The following DYM variants were observed in gnomAD, a reference collection of about 807,000 sequenced individuals.
DYM encodes the protein dymeclin.
Under a neutral mutation model 93.1 loss-of-function variants are expected in DYM, and 78 were observed. The ratio of observed to expected loss-of-function variants is 0.84; its 90% CI spans 0.70 to 1.01. The LOEUF (loss-of-function observed/expected upper bound fraction) is 1.01. Among genes scored for constraint, DYM ranks in the 50% least tolerant of loss-of-function variants. The pLI is 0.00. For synonymous variants in DYM, 321 were observed against 319.7 expected (o/e 1.00, Z -0.04); for missense variants, 789 against 845.0 (o/e 0.93, Z 0.82).
intron 14 of DYM, among the ~76,000 whole-genome samples, chr18:49,197,305 CA>C (rs1289121915): frequency 1.3e-5 from 2 of 151,842 alleles, no homozygotes; most frequent in East Asian, 3.9e-4. Context: ...GCTTTAGGAA[CA>C]AGCTTTTTAA....
rs193087120 is a variant in DYM, at chr18:49,092,511, C to T, written c.2025+4891G>A. 4.2e-3 allele frequency among the ~76,000 whole-genome samples: 647 copies of T among 152,318 alleles called. 4 individuals carry two copies. Among genetic ancestry groups the T allele is most frequent in the African/African-American group, 0.015 (612 of 41,568 alleles). On this transcript the variant is annotated intron_variant, in intron 17 of 17. Transcript: ENST00000675505. ...CTCAGCTCTGCAACGCAAGGGGGTG[C>T]CTTTCTCTCCTGAAAGATGATACAT...
chr18:49,079,731 C>G (rs376320732), intron 17 of DYM, among the ~76,000 whole-genome samples: 3 of 151,404 alleles, frequency 2.0e-5, no homozygotes, highest in East Asian at 1.9e-4. Flanking sequence ...GTAAGGTCAC[C>G]GATCAACAGG....
intron 17 of DYM, among the ~76,000 whole-genome samples, chr18:49,052,893 C>T (rs548606760): frequency 3.5e-4 from 53 of 152,210 alleles, no homozygotes; most frequent in Non-Finnish European, 2.6e-4. Context: ...CTGGCTGGCA[C>T]AGGGCAGGGC....
Position 49,370,849 on chromosome 18 carries a change from C to T in DYM, c.422-7616G>A, listed in dbSNP as rs12967494. On this transcript the variant is annotated intron_variant, in intron 5 of 17. Transcript: ENST00000675505. ...GCCCTCCTGTACAAAACATCTAGTT[C>T]TTGGCTAAAATAACACTTTTTAGTG... Among the ~76,000 whole-genome samples the T allele has an allele frequency of 9.0e-3, 1,378 of 152,332 alleles. 12 individuals are homozygous for T. Among genetic ancestry groups the T allele is most frequent in the South Asian group, 0.028 (137 of 4,830 alleles).
At chr18:49,086,786 G>A (rs560382747) in intron 17 of DYM, among the ~76,000 whole-genome samples, 7 of 152,050 alleles carry the variant, frequency 4.6e-5, no homozygotes, top group Admixed American at 2.6e-4. Context: ...TCAGGAGTTC[G>A]AGATCAGCCT....
chr18:49,457,559 A>G (rs1407070722), intron 1 of DYM, among the ~76,000 whole-genome samples: 1 of 152,208 alleles, frequency 6.6e-6, no homozygotes, highest in East Asian at 1.9e-4. Flanking sequence ...CCCATTATCT[A>G]CAATCCTAAG....
chr18:49,313,673 T>C (rs1202877541), intron 8 of DYM, among the ~76,000 whole-genome samples: 2 of 151,970 alleles, frequency 1.3e-5, no homozygotes, highest in African/African-American at 4.8e-5. Flanking sequence ...TTTTATTCAT[T>C]TACTTTCTTA....
intron 16 of DYM, among the ~76,000 whole-genome samples, chr18:49,109,196 A>C (rs1332867508): frequency 1.3e-5 from 2 of 151,444 alleles, no homozygotes; most frequent in Non-Finnish European, 2.9e-5. Flanking sequence ...CATCAGGATT[A>C]TTTGCATTTG....
At chr18:49,443,512 T>C (rs548409108) in intron 1 of DYM, among the ~76,000 whole-genome samples, 1 of 152,218 alleles carries the variant, frequency 6.6e-6, no homozygotes, top group East Asian at 1.9e-4. Context: ...CACAGTGGAC[T>C]GTAGATTGTT....
At chr18:49,367,276 G>A (rs1462469418) in intron 5 of DYM, among the ~76,000 whole-genome samples, 1 of 152,138 alleles carries the variant, frequency 6.6e-6, no homozygotes, top group Non-Finnish European at 1.5e-5. Flanking sequence ...TAAAATCCCA[G>A]CCCTATCCCT....
intron 13 of DYM, among the ~76,000 whole-genome samples, chr18:49,219,188 C>A (rs1427968198): frequency 2.0e-5 from 3 of 151,936 alleles, no homozygotes; most frequent in African/African-American, 2.4e-5. Flanking sequence ...CACATACACC[C>A]TCCCAAGACT....
Position 49,038,350 on chromosome 18 carries a change from CT to C in DYM, c.*5704del, listed in dbSNP as rs1185502519. On this transcript the variant is annotated 3_prime_UTR_variant, in exon 18 of 18. Coordinates refer to ENST00000675505, the MANE Select transcript of DYM (RefSeq NM_001353214.3). ...TTGTCTAAATTTCCTATCAAATTTT[CT>C]TTTACATATTTTGAGTTTATATTTT... Among the ~76,000 whole-genome samples the C allele has an allele frequency of 6.6e-6, 1 of 152,098 alleles. No homozygotes were observed. The highest frequency in any genetic ancestry group is 2.4e-5 in the African/African-American group (1 of 41,434).
intron 1 of DYM, among the ~76,000 whole-genome samples, chr18:49,449,902 T>C (rs2082380905): frequency 6.6e-6 from 1 of 152,196 alleles, no homozygotes; most frequent in South Asian, 2.1e-4. Flanking sequence ...TAAAATCACT[T>C]ACTAACCAGG....
intron 17 of DYM, among the ~76,000 whole-genome samples, chr18:49,062,719 G>A (rs2076081106): frequency 1.3e-5 from 2 of 152,180 alleles, no homozygotes; most frequent in African/African-American, 2.4e-5. Context: ...AACACACTAG[G>A]GCTAACGGTT....
At chr18:49,428,137 C>T (rs138660585) in intron 2 of DYM, among the ~76,000 whole-genome samples, 2,086 of 151,900 alleles carry the variant, frequency 0.014, 46 homozygotes, top group African/African-American at 0.047. Context: ...CATGCTACAA[C>T]ATGTATGAAT....
chr18:49,222,689 T>G (rs7242217), intron 13 of DYM, among the ~76,000 whole-genome samples: 84,172 of 151,910 alleles, frequency 0.55, 25,541 homozygotes, highest in Non-Finnish European at 0.69. Context: ...CTACTAGAGG[T>G]ACCAAAGGCA....
At chr18:49,327,508 C>A (rs988040195) in intron 8 of DYM, among the ~76,000 whole-genome samples, 1 of 151,954 alleles carries the variant, frequency 6.6e-6, no homozygotes, top group Non-Finnish European at 1.5e-5. Flanking sequence ...AGGCGCGCAC[C>A]ACCACGTCCA....
intron 16 of DYM, among the ~76,000 whole-genome samples, chr18:49,109,834 A>G (rs976502025): frequency 6.6e-6 from 1 of 152,212 alleles, no homozygotes; most frequent in African/African-American, 2.4e-5. Context: ...AATCTAGAGC[A>G]AAGGACAGTC....
intron 13 of DYM, among the ~76,000 whole-genome samples, chr18:49,252,397 C>T (rs1488341293): frequency 6.6e-6 from 1 of 151,756 alleles, no homozygotes; most frequent in East Asian, 1.9e-4. Flanking sequence ...AAGAGTGGCA[C>T]AGCCAAGGGA....
Sources: gnomAD v4.1 joint callset for allele counts (sites outside exome capture counted in the v4.1 genomes callset) on GRCh38, gnomAD v4.1.1 for gene constraint, MANE v1.5 for transcripts, NCBI Gene and HGNC (gene_info 2026-07-23, HGNC 2026-07-21) for gene names.